NLGN1: variants seen among roughly 807,000 people sequenced by gnomAD.
NLGN1 encodes the protein neuroligin 1, also known as neuroligin-1.
NLGN1 carries 12 observed loss-of-function variants against 65.5 expected under a neutral mutation model. That is an observed-to-expected ratio of 0.18 (90% CI 0.12 to 0.30). The LOEUF (loss-of-function observed/expected upper bound fraction) is 0.30, where lower values mean the gene tolerates loss of function less well. Among genes scored for constraint, NLGN1 ranks in the 10% least tolerant of loss-of-function variants. NLGN1 has a pLI of 1.00. For synonymous variants in NLGN1, 350 were observed against 359.5 expected (o/e 0.97, Z 0.30); for missense variants, 750 against 1,007.1 (o/e 0.74, Z 3.46).
At chr3:174,292,606 T>C in the NLGN1 span, among the ~76,000 whole-genome samples, 1 of 151,458 alleles carries the variant, frequency 6.6e-6, no homozygotes, top group African/African-American at 2.4e-5. Context: ...TTAAATATTT[T>C]GTCCTGCCAT....
At chr3:174,232,388 G>A (rs546653998) in intron 4 of NLGN1, among the ~76,000 whole-genome samples, 50 of 152,280 alleles carry the variant, frequency 3.3e-4, no homozygotes, top group African/African-American at 7.9e-4. Context: ...GGATGTGTAC[G>A]TGCAGGTCAC....
intron 4 of NLGN1, among the ~76,000 whole-genome samples, chr3:173,941,507 A>G (rs958854555): frequency 3.3e-5 from 5 of 151,960 alleles, no homozygotes; most frequent in Non-Finnish European, 5.9e-5. Context: ...AAAACAAGGC[A>G]ATTGACTCAA....
chr3:174,216,176 C>G (rs1737563053), intron 4 of NLGN1, among the ~76,000 whole-genome samples: 1 of 152,126 alleles, frequency 6.6e-6, no homozygotes, highest in East Asian at 1.9e-4. Flanking sequence ...TAGTAGCTAA[C>G]CTGAGGCCAG....
chr3:174,101,310 C>T (rs1196192379), intron 4 of NLGN1, among the ~76,000 whole-genome samples: 1 of 152,056 alleles, frequency 6.6e-6, no homozygotes, highest in Non-Finnish European at 1.5e-5. Context: ...TGGACTCCAC[C>T]AAAGGAGCAT....
intron 4 of NLGN1, among the ~76,000 whole-genome samples, chr3:173,966,672 G>A (rs865966104): frequency 6.6e-6 from 1 of 152,194 alleles, no homozygotes; most frequent in Non-Finnish European, 1.5e-5. Flanking sequence ...TGCTTAATCA[G>A]CAGTATCCAC....
chr3:173,472,741 C>T (rs899949967), intron 2 of NLGN1, among the ~76,000 whole-genome samples: 1 of 152,092 alleles, frequency 6.6e-6, no homozygotes, highest in Non-Finnish European at 1.5e-5. Context: ...GACACAAGTG[C>T]TTGAAGAATT....
chr3:173,624,191 A>C (rs970316276), intron 3 of NLGN1, among the ~76,000 whole-genome samples: 3 of 152,072 alleles, frequency 2.0e-5, no homozygotes, highest in Non-Finnish European at 4.4e-5. Flanking sequence ...GTGTGAGATG[A>C]AGGTTTGGGC....
At chr3:174,078,002 C>A (rs184653957) in intron 4 of NLGN1, among the ~76,000 whole-genome samples, 2 of 151,910 alleles carry the variant, frequency 1.3e-5, no homozygotes, top group Admixed American at 6.6e-5. Context: ...AATGGAGGAA[C>A]AAAACCAAAC....
intron 3 of NLGN1, among the ~76,000 whole-genome samples, chr3:173,783,590 A>C (rs1434230148): frequency 6.6e-6 from 1 of 152,164 alleles, no homozygotes; most frequent in South Asian, 2.1e-4. Flanking sequence ...ACATCCAAAA[A>C]ACTTGTCATA....
chr3:173,592,778 G>C (rs1980297), intron 2 of NLGN1, among the ~76,000 whole-genome samples: 89,032 of 152,090 alleles, frequency 0.59, 28,710 homozygotes, highest in African/African-American at 0.88. Context: ...GACACACCCT[G>C]TACTCTCAAA....
At chr3:173,898,529 A>G (rs1164329416) in intron 4 of NLGN1, among the ~76,000 whole-genome samples, 1 of 152,216 alleles carries the variant, frequency 6.6e-6, no homozygotes, top group African/African-American at 2.4e-5. Context: ...CCTGGTATTA[A>G]GCATTAACCA....
At chr3:173,962,355 A>G (rs1292636110) in intron 4 of NLGN1, among the ~76,000 whole-genome samples, 1 of 152,100 alleles carries the variant, frequency 6.6e-6, no homozygotes, top group Admixed American at 6.5e-5. Flanking sequence ...TGGAAGCCCC[A>G]TTAAGAGGGA....
At chr3:174,097,270 T>G (rs1240696931) in intron 4 of NLGN1, among the ~76,000 whole-genome samples, 6 of 152,218 alleles carry the variant, frequency 3.9e-5, no homozygotes, top group African/African-American at 1.4e-4. Context: ...TAGCTCTGTT[T>G]AGAACTCAAA....
intron 2 of NLGN1, among the ~76,000 whole-genome samples, chr3:173,553,397 T>A (rs1215899517): frequency 6.6e-6 from 1 of 152,196 alleles, no homozygotes; most frequent in Non-Finnish European, 1.5e-5. Flanking sequence ...ATTACTAGGA[T>A]CAACAAATAG....
chr3:173,845,571 G>A (rs892580105), intron 4 of NLGN1, among the ~76,000 whole-genome samples: 5 of 151,698 alleles, frequency 3.3e-5, no homozygotes, highest in African/African-American at 9.7e-5. Context: ...TAGATAGGTA[G>A]ATGGGTAGAT....
intron 2 of NLGN1, among the ~76,000 whole-genome samples, chr3:173,485,019 G>T (rs1229345590): frequency 6.8e-6 from 1 of 147,462 alleles, no homozygotes; most frequent in African/African-American, 2.5e-5. Flanking sequence ...AAAGAAAGAG[G>T]TTTATTGGAC....
chr3:174,275,298 A>G lies in NLGN1; in HGVS notation c.647-17A>G, dbSNP rs781247644. The G allele has an allele frequency of 5.0e-6, 8 of 1,595,884 alleles. No individual in the cohort carries two copies. Among genetic ancestry groups the G allele is most frequent in the Non-Finnish European group, 6.9e-6 (8 of 1,165,206 alleles). On this transcript the variant is annotated splice_polypyrimidine_tract_variant and intron_variant, in intron 4 of 6. Coordinates refer to ENST00000457714, the Ensembl canonical transcript of NLGN1. The stretch of plus-strand genomic sequence containing the variant: ...CACGTCAGCTCAAAACGTGTTTTCT[A>G]AATTTATATTTTTCAGGTTTCTTGA...
At chr3:174,043,631 C>T (rs1274929733) in intron 4 of NLGN1, among the ~76,000 whole-genome samples, 1 of 152,268 alleles carries the variant, frequency 6.6e-6, no homozygotes, top group African/African-American at 2.4e-5. Context: ...AAGAGGTGGG[C>T]TCCCATGGCC....
chr3:174,020,517 T>C (rs1395657684), intron 4 of NLGN1, among the ~76,000 whole-genome samples: 1 of 152,100 alleles, frequency 6.6e-6, no homozygotes, highest in Non-Finnish European at 1.5e-5. Flanking sequence ...TGTCTAGGTC[T>C]TGATGTACTA....
Sources: allele counts gnomAD v4.1 joint callset (sites outside exome capture counted in the v4.1 genomes callset), GRCh38; gene constraint gnomAD v4.1.1; transcripts MANE v1.5; gene names NCBI Gene and HGNC (gene_info 2026-07-23, HGNC 2026-07-21).